The following RAPGEF5 variants were observed in gnomAD, a reference collection of about 807,000 sequenced individuals.
RAPGEF5 encodes Rap guanine nucleotide exchange factor 5, also known as M-Ras-regulated GEF.
In RAPGEF5, 65 loss-of-function variants were observed where a neutral mutation model predicts 125.2. The ratio of observed to expected loss-of-function variants is 0.52; its 90% CI spans 0.43 to 0.64. The LOEUF is 0.64. Among genes scored for constraint, RAPGEF5 ranks in the 30% least tolerant of loss-of-function variants. The pLI is 0.00. For missense variants in RAPGEF5, 958 were observed against 1,048.1 expected, an observed-to-expected ratio of 0.91 and a Z score of 1.19; for synonymous variants, 391 against 385.9, an observed-to-expected ratio of 1.01 and a Z score of -0.16.
intron 9 of RAPGEF5, among the ~76,000 whole-genome samples, chr7:22,196,699 A>C (rs1785153466): frequency 1.3e-5 from 2 of 152,216 alleles, no homozygotes. Context: ...TGACTGTGAG[A>C]ATGGAAATAC....
At chr7:22,178,467 T>C (rs1406657154) in intron 11 of RAPGEF5, among the ~76,000 whole-genome samples, 1 of 152,242 alleles carries the variant, frequency 6.6e-6, no homozygotes, top group Non-Finnish European at 1.5e-5. Context: ...CCTGTACTTC[T>C]GACCAGTGGG....
intron 9 of RAPGEF5, among the ~76,000 whole-genome samples, chr7:22,213,083 A>G (rs1422869944): frequency 6.6e-6 from 1 of 152,230 alleles, no homozygotes; most frequent in African/African-American, 2.4e-5. Flanking sequence ...AGCCTTTTAA[A>G]ATAAACTTGA....
chr7:22,304,419 T>C (rs1783283908), intron 5 of RAPGEF5, among the ~76,000 whole-genome samples: 1 of 152,212 alleles, frequency 6.6e-6, no homozygotes, highest in Non-Finnish European at 1.5e-5. Flanking sequence ...GTGTTTACAG[T>C]GATCAGTATG....
chr7:22,310,278 CAA>C (rs1783438974), intron 3 of RAPGEF5, among the ~76,000 whole-genome samples, 188 bp from the exon 4 acceptor site: 1 of 152,120 alleles, frequency 6.6e-6, no homozygotes, highest in Non-Finnish European at 1.5e-5. Flanking sequence ...CTTAGGGAAA[CAA>C]GAGTCAAATT....
chr7:22,335,705 C>A (rs201540638), intron 1 of RAPGEF5, among the ~76,000 whole-genome samples: 1,924 of 61,996 alleles, frequency 0.031, 35 homozygotes, highest in African/African-American at 0.096. Flanking sequence ...AAAAAAAAAA[C>A]AACAAAACAA....
intron 9 of RAPGEF5, among the ~76,000 whole-genome samples, chr7:22,203,305 C>T (rs1259440623): frequency 2.6e-5 from 4 of 152,116 alleles, no homozygotes; most frequent in Non-Finnish European, 4.4e-5. Context: ...AAATCTCACT[C>T]GCCAAGAAGT....
chr7:22,257,391 A>G (rs1297361652), intron 7 of RAPGEF5, among the ~76,000 whole-genome samples: 1 of 152,202 alleles, frequency 6.6e-6, no homozygotes, highest in African/African-American at 2.4e-5. Context: ...TAAAATCACA[A>G]TAAGAAGTTT....
intron 6 of RAPGEF5, among the ~76,000 whole-genome samples, chr7:22,290,370 G>C (rs1782901189): frequency 6.6e-6 from 1 of 152,236 alleles, no homozygotes; most frequent in South Asian, 2.1e-4. Context: ...TCAAGGCTTA[G>C]TGACCACAGT....
chr7:22,168,299 T>C (rs886608546), intron 11 of RAPGEF5, among the ~76,000 whole-genome samples: 3 of 152,168 alleles, frequency 2.0e-5, no homozygotes, highest in Non-Finnish European at 4.4e-5. Context: ...TCCTTTCATC[T>C]CTCTACCATA....
rs73278087 is a variant in RAPGEF5 at position 22,230,540 on chromosome 7, G to A, written c.870+306C>T. Among the ~76,000 whole-genome samples, 244 of 152,272 alleles carry A rather than the reference G, an allele frequency of 1.6e-3. 3 individuals carry two copies. The highest frequency in any genetic ancestry group is 5.7e-3 in the African/African-American group (235 of 41,548). On this transcript the variant is annotated intron_variant, in intron 8 of 25. Transcript: ENST00000665637. ...AACCTCTAGCAAGTTGGTGCTGTCA[G>A]CTGGCCCATTCTCCACTGCCTTCTT...
chr7:22,267,963 T>C (rs1311790636), intron 6 of RAPGEF5, among the ~76,000 whole-genome samples: 1 of 152,102 alleles, frequency 6.6e-6, no homozygotes, highest in Non-Finnish European at 1.5e-5. Context: ...GATTTGCTAT[T>C]CAAATTAACA....
At chr7:22,199,778 A>G (rs1785236540) in intron 9 of RAPGEF5, among the ~76,000 whole-genome samples, 1 of 152,082 alleles carries the variant, frequency 6.6e-6, no homozygotes, top group South Asian at 2.1e-4. Flanking sequence ...CCCTGGAATT[A>G]CTCATGACAT....
At chr7:22,264,681 A>T (rs781086572) in intron 7 of RAPGEF5, among the ~76,000 whole-genome samples, 4 of 152,032 alleles carry the variant, frequency 2.6e-5, no homozygotes, top group Non-Finnish European at 5.9e-5. Context: ...CACCAACTTC[A>T]GGTCTTGGCT....
chr7:22,280,640 T>C (rs1271560452), intron 6 of RAPGEF5, among the ~76,000 whole-genome samples: 3 of 152,244 alleles, frequency 2.0e-5, no homozygotes, highest in African/African-American at 4.8e-5. Flanking sequence ...TTCCTGCTTT[T>C]ATCTTGTTGA....
At chr7:22,305,208 A>G (rs776881650) in intron 5 of RAPGEF5, among the ~76,000 whole-genome samples, 2 of 152,222 alleles carry the variant, frequency 1.3e-5, no homozygotes, top group Non-Finnish European at 2.9e-5. Flanking sequence ...AGATAATAAT[A>G]GTACCTGTCT....
chr7:22,159,687 A>G (rs1783921918), intron 14 of RAPGEF5, among the ~76,000 whole-genome samples: 1 of 152,216 alleles, frequency 6.6e-6, no homozygotes, highest in South Asian at 2.1e-4. Context: ...GGTGTTGCCA[A>G]TCTGAAAGAT....
intron 25 of RAPGEF5, among the ~76,000 whole-genome samples, chr7:22,123,771 C>G (rs559279216): frequency 6.6e-6 from 1 of 152,114 alleles, no homozygotes; most frequent in South Asian, 2.1e-4. Context: ...TGGAAGACGT[C>G]GAGAAAGTTA....
intron 9 of RAPGEF5, among the ~76,000 whole-genome samples, chr7:22,202,762 C>T (rs1052698202): frequency 6.6e-6 from 1 of 152,124 alleles, no homozygotes; most frequent in Non-Finnish European, 1.5e-5. Flanking sequence ...GGATATCCAC[C>T]AAAGCAAAGA....
intron 11 of RAPGEF5, among the ~76,000 whole-genome samples, chr7:22,184,055 C>T (rs1318061028): frequency 1.3e-5 from 2 of 152,122 alleles, no homozygotes; most frequent in Non-Finnish European, 2.9e-5. Context: ...TTGAACTTTC[C>T]GTTTACAAAG....
Sources: allele counts gnomAD v4.1 joint callset (sites outside exome capture counted in the v4.1 genomes callset), GRCh38; gene constraint gnomAD v4.1.1; transcripts MANE v1.5; gene names NCBI Gene and HGNC (gene_info 2026-07-23, HGNC 2026-07-21).